SRC: variants seen among roughly 807,000 people sequenced by gnomAD.
SRC encodes the protein SRC proto-oncogene, non-receptor tyrosine kinase.
Under a neutral mutation model 62.9 loss-of-function variants are expected in SRC, and 13 were observed. The ratio of observed to expected loss-of-function variants is 0.21; its 90% CI spans 0.13 to 0.33. The LOEUF (loss-of-function observed/expected upper bound fraction) is 0.33, where lower values mean the gene tolerates loss of function less well. Ranked by LOEUF, SRC falls within the 10% of genes least tolerant of loss-of-function variation. SRC has a pLI of 1.00. For missense variants in SRC, 457 were observed against 737.3 expected (o/e 0.62, Z 4.40); for synonymous variants, 302 against 317.5 (o/e 0.95, Z 0.52).
chr20:37,369,091 T>C (rs2070122756), intron 2 of SRC, among the ~76,000 whole-genome samples: 1 of 152,216 alleles, frequency 6.6e-6, no homozygotes, highest in Non-Finnish European at 1.5e-5. Context: ...GCTGTTACTG[T>C]TGTTTTACAG....
intron 1 of SRC, among the ~76,000 whole-genome samples, chr20:37,362,747 G>A (rs1017125820): frequency 2.6e-5 from 4 of 152,108 alleles, no homozygotes; most frequent in African/African-American, 9.7e-5. Flanking sequence ...GGGGGGGTCT[G>A]CGAAGCCTCC....
intron 5 of SRC, among the ~76,000 whole-genome samples, chr20:37,392,273 G>A (rs1292344982): frequency 6.6e-6 from 1 of 152,150 alleles, no homozygotes; most frequent in African/African-American, 2.4e-5. Flanking sequence ...CGAGCCATCC[G>A]GCTGAACCCC....
intron 10 of SRC, among the ~76,000 whole-genome samples, 198 bp from the exon 11 acceptor site, chr20:37,401,404 G>A (rs138206778): frequency 1.1e-4 from 16 of 152,172 alleles, no homozygotes; most frequent in African/African-American, 3.4e-4. Context: ...ACCTGGAGGT[G>A]GACTTCTGCT....
rs751005087 is a variant in SRC at position 37,402,474 on chromosome 20, G to A, written c.1156G>A (p.Val386Ile). The A allele has an allele frequency of 5.6e-6, 9 of 1,613,976 alleles. No individual in the cohort carries two copies. Among genetic ancestry groups the A allele is most frequent in the South Asian group, 2.2e-5 (2 of 91,068 alleles). ...GGCGTACGTGGAGCGGATGAACTACGTCCACCGGGACCTTCGTGCAGCCAA... is the reference window on the plus strand; with the variant it reads ...GGCGTACGTGGAGCGGATGAACTACATCCACCGGGACCTTCGTGCAGCCAA... ...GMAYVERMNY[V>I]HRDLRAANIL... is the part of the protein sequence containing the mutation. Residue 386 changes from valine (V) to isoleucine (I), a missense_variant, in exon 12 of 14, where the codon GTC becomes ATC. Val to Ile is a conservative substitution (Grantham distance 29, BLOSUM62 3). Transcript: ENST00000373578. This position sits in a 1 kb window ranked among gnomAD's most constrained non-coding sequence, Gnocchi z 6.2.
chr20:37,366,920 C>T (rs1224356902), intron 2 of SRC, among the ~76,000 whole-genome samples: 1 of 151,996 alleles, frequency 6.6e-6, no homozygotes, highest in Non-Finnish European at 1.5e-5. Context: ...ATGGTAATTC[C>T]GTGTTTAACT....
intron 5 of SRC, among the ~76,000 whole-genome samples, chr20:37,387,596 G>T (rs2070478077): frequency 6.6e-6 from 1 of 152,236 alleles, no homozygotes. Flanking sequence ...CTCCCCCCTT[G>T]CATGGCCGAG....
chr20:37,372,788 CTTA>C (rs1300150884), intron 2 of SRC, among the ~76,000 whole-genome samples: 1 of 151,640 alleles, frequency 6.6e-6, no homozygotes, highest in Admixed American at 6.6e-5. Flanking sequence ...TTTATGGGAG[CTTA>C]TTATATACAT....
intron 2 of SRC, among the ~76,000 whole-genome samples, chr20:37,372,864 T>C (rs1261979284): frequency 6.6e-6 from 1 of 152,192 alleles, no homozygotes; most frequent in East Asian, 1.9e-4. Flanking sequence ...TTGTTTGTCC[T>C]TTGAACTTGT....
chr20:37,385,468 G>C (rs1314194921), intron 4 of SRC, among the ~76,000 whole-genome samples: 1 of 151,528 alleles, frequency 6.6e-6, no homozygotes, highest in Non-Finnish European at 1.5e-5. Context: ...GAGGGTGTTA[G>C]AAGGGGCGCT....
chr20:37,385,931 A>G, intron 4 of SRC, 144 bp from the exon 5 acceptor site: 3 of 697,234 alleles, frequency 4.3e-6, no homozygotes, highest in Non-Finnish European at 7.7e-6. Context: ...GCACAGGCCC[A>G]TCTTCACTGA....
chr20:37,369,903 G>A (rs991641090), intron 2 of SRC, among the ~76,000 whole-genome samples: 1 of 151,998 alleles, frequency 6.6e-6, no homozygotes, highest in African/African-American at 2.4e-5. Flanking sequence ...GGGTTCAAGC[G>A]ATTCTCCTGC....
At chr20:37,393,767 C>A in intron 5 of SRC, 128 bp from the exon 6 acceptor site, 1 of 669,992 alleles carries the variant, frequency 1.5e-6, no homozygotes. Context: ...CTCACGCTGG[C>A]CCCACCACCT....
rs949333683 is a variant in SRC at position 37,351,717 on chromosome 20, G to T, written c.-247+5462G>T. On this transcript the variant is annotated intron_variant, in intron 1 of 13. Transcript: ENST00000373578. This position sits in a 1 kb window ranked among gnomAD's most constrained non-coding sequence, Gnocchi z 4.4. The stretch of plus-strand genomic sequence containing the variant: ...CTGGGTCATAATAAGGTGACCCATT[G>T]TGTCCCTTGCTCCATCCTGGGAGCA... 6.6e-6 allele frequency among the ~76,000 whole-genome samples: 1 copy of T among 152,190 alleles called. No homozygotes were observed. The highest frequency in any genetic ancestry group is 1.5e-5 in the Non-Finnish European group (1 of 68,032).
At chr20:37,377,615 T>A (rs543899139) in intron 2 of SRC, among the ~76,000 whole-genome samples, 2 of 152,308 alleles carry the variant, frequency 1.3e-5, no homozygotes, top group Admixed American at 1.3e-4. Flanking sequence ...GGACACACCA[T>A]GGGAGACGGC....
At chr20:37,378,161 CTTT>C (rs770833912) in intron 2 of SRC, among the ~76,000 whole-genome samples, 8 of 122,948 alleles carry the variant, frequency 6.5e-5, no homozygotes, top group South Asian at 2.6e-4. Flanking sequence ...TCTTTCTTCT[CTTT>C]TTTTTTTTTT....
At chr20:37,401,709 C>T in intron 11 of SRC, 31 bp downstream of exon 11, 3 of 1,574,290 alleles carry the variant, frequency 1.9e-6, no homozygotes, top group Non-Finnish European at 2.6e-6. Flanking sequence ...TCCCCACACC[C>T]TTGGTCCTCA....
At position 37,405,059 on chromosome 20, in the gene SRC, G is replaced by C. The variant is rs769482136; in HGVS notation, c.*1680G>C. ...CAGCCAGGCCCTGCCAGTGGGGAAG[G>C]AGGCCAAGCAGTGCCTGCCTATGAA... On this transcript the variant is annotated 3_prime_UTR_variant, in exon 14 of 14. Coordinates refer to ENST00000373578, the MANE Select transcript of SRC (RefSeq NM_198291.3). 9 of 233,368 alleles carry C rather than the reference G, an allele frequency of 3.9e-5. No homozygotes were observed. The highest frequency in any genetic ancestry group is 5.9e-5 in the Non-Finnish European group (7 of 117,996). The allele number at this position is 233,368 out of a possible 1,614,324, so 14.5% of individuals were successfully genotyped here.
chr20:37,394,067 G>A (rs2070597629), intron 6 of SRC, 74 bp downstream of exon 6: 1 of 1,567,684 alleles, frequency 6.4e-7, no homozygotes. Flanking sequence ...TCCTGGGCTG[G>A]GGTGGGAGGT....
rs1236728936 is a variant in SRC at position 37,402,211 on chromosome 20, C to T, written c.1117-224C>T. The T allele has an allele frequency of 1.7e-5, 9 of 518,740 alleles. No individual in the cohort carries two copies. Among genetic ancestry groups the T allele is most frequent in the African/African-American group, 1.5e-4 (8 of 51,668 alleles). The allele number at this position is 518,740 out of a possible 1,614,324, so 32.1% of individuals were successfully genotyped here. ...ATCGGATCTCGTGCCTCCCCTTTGACCTTTGCCTTCTGCCCTCTGCTCTGT... is the reference window on the plus strand; with the variant it reads ...ATCGGATCTCGTGCCTCCCCTTTGATCTTTGCCTTCTGCCCTCTGCTCTGT... On this transcript the variant is annotated intron_variant, in intron 11 of 13. Coordinates refer to ENST00000373578, the MANE Select transcript of SRC (RefSeq NM_198291.3). The surrounding 1 kb of genome is among the most constrained non-coding windows in gnomAD (Gnocchi z 6.2).
Sources: gnomAD v4.1 joint callset for allele counts (sites outside exome capture counted in the v4.1 genomes callset) on GRCh38, gnomAD v4.1.1 for gene constraint, Gnocchi (gnomAD v3.1) non-coding constraint, MANE v1.5 for transcripts, NCBI Gene and HGNC (gene_info 2026-07-23, HGNC 2026-07-21) for gene names.